STAG1: variants seen among roughly 807,000 people sequenced by gnomAD.
STAG1 encodes the protein STAG1 cohesin complex component.
In STAG1, 26 loss-of-function variants were observed where a neutral mutation model predicts 170.9. The observed-to-expected ratio is 0.15, with a 90% CI of 0.11 to 0.21. The LOEUF (loss-of-function observed/expected upper bound fraction) is 0.21. Ranked by LOEUF, STAG1 falls within the 10% of genes least tolerant of loss-of-function variation. The probability of loss-of-function intolerance (pLI) is 1.00; values close to 1 mark genes in which losing one functional copy is unlikely to be tolerated. For synonymous variants in STAG1, 514 were observed against 497.7 expected, an observed-to-expected ratio of 1.03 and a Z score of -0.44; for missense variants, 964 against 1,509.5, an observed-to-expected ratio of 0.64 and a Z score of 5.99.
chr3:136,461,142 A>C (rs1221416318), intron 13 of STAG1, among the ~76,000 whole-genome samples: 1 of 152,222 alleles, frequency 6.6e-6, no homozygotes, highest in Non-Finnish European at 1.5e-5. Context: ...CCCCTTCATG[A>C]TAAAAACTCT....
At chr3:136,600,870 GT>G (rs1371408801) in intron 4 of STAG1, among the ~76,000 whole-genome samples, 166 of 1,388 alleles carry the variant, frequency 0.12, no homozygotes, top group African/African-American at 0.28. Flanking sequence ...TTGTTTGTTT[GT>G]TTTGTTTTGT....
chr3:136,549,114 T>C (rs911078405), intron 5 of STAG1, among the ~76,000 whole-genome samples: 2 of 152,228 alleles, frequency 1.3e-5, no homozygotes, highest in Non-Finnish European at 2.9e-5. Flanking sequence ...AACGGACTAA[T>C]AACACCTCTT....
intron 9 of STAG1, among the ~76,000 whole-genome samples, chr3:136,499,247 G>A (rs372513859): frequency 1.3e-5 from 2 of 152,174 alleles, no homozygotes; most frequent in South Asian, 2.1e-4. Context: ...GTGCAGTGGC[G>A]CAATCAAGGC....
intron 1 of STAG1, among the ~76,000 whole-genome samples, chr3:136,724,935 T>TA (rs1933575246): frequency 6.6e-6 from 1 of 152,194 alleles, no homozygotes; most frequent in Non-Finnish European, 1.5e-5. Context: ...TAAACCTATG[T>TA]AAAAAATCAT....
At chr3:136,368,740 G>A (rs1396354152) in intron 24 of STAG1, among the ~76,000 whole-genome samples, 2 of 152,112 alleles carry the variant, frequency 1.3e-5, no homozygotes, top group Non-Finnish European at 2.9e-5. Context: ...TCTATATAAC[G>A]ACAGGAAAAG....
At chr3:136,674,952 T>C (rs1307018871) in intron 1 of STAG1, among the ~76,000 whole-genome samples, 1 of 151,998 alleles carries the variant, frequency 6.6e-6, no homozygotes, top group Non-Finnish European at 1.5e-5. Context: ...AGTTGGGGGT[T>C]GGGGGGAGCC....
At chr3:136,618,580 G>GA (rs563791834) in intron 3 of STAG1, among the ~76,000 whole-genome samples, 177 of 152,200 alleles carry the variant, frequency 1.2e-3, no homozygotes, top group Non-Finnish European at 2.1e-3. Context: ...CTCACTAAGA[G>GA]AAAAAAATCC....
intron 24 of STAG1, among the ~76,000 whole-genome samples, chr3:136,368,862 T>C (rs1937183358): frequency 6.6e-6 from 1 of 152,168 alleles, no homozygotes; most frequent in African/African-American, 2.4e-5. Context: ...TTTATGTTTT[T>C]TCTGTTTTGT....
intron 5 of STAG1, among the ~76,000 whole-genome samples, chr3:136,554,689 G>C (rs917792247): frequency 6.6e-6 from 1 of 152,024 alleles, no homozygotes; most frequent in African/African-American, 2.4e-5. Flanking sequence ...GAGTCCAGGA[G>C]TTCAAAAGTA....
chr3:136,362,623 GAAAAAAA>G (rs1301041525), intron 26 of STAG1, among the ~76,000 whole-genome samples: 4 of 126,914 alleles, frequency 3.2e-5, no homozygotes, highest in Non-Finnish European at 3.4e-5. Context: ...AAAAAAAAAA[GAAAAAAA>G]AAGAAAAAAG....
intron 1 of STAG1, among the ~76,000 whole-genome samples, chr3:136,694,049 A>G (rs1294641471): frequency 6.6e-6 from 1 of 152,210 alleles, no homozygotes; most frequent in African/African-American, 2.4e-5. Flanking sequence ...TCCACAGGAA[A>G]GCCAGAATTT....
chr3:136,691,407 C>G (rs1942717724), intron 1 of STAG1, among the ~76,000 whole-genome samples: 1 of 151,684 alleles, frequency 6.6e-6, no homozygotes, highest in African/African-American at 2.4e-5. Flanking sequence ...TGCACTCCAG[C>G]CTGGGTGACA....
intron 22 of STAG1, among the ~76,000 whole-genome samples, chr3:136,394,550 T>C (rs994845458): frequency 6.6e-6 from 1 of 150,638 alleles, no homozygotes; most frequent in East Asian, 2.0e-4. Flanking sequence ...CTGAGGCGGG[T>C]GGACTGCTTG....
intron 4 of STAG1, among the ~76,000 whole-genome samples, chr3:136,571,944 AG>A (rs1937278418): frequency 6.6e-6 from 1 of 152,200 alleles, no homozygotes; most frequent in Admixed American, 6.5e-5. Context: ...ACACTTTGGG[AG>A]GCCGAGATGG....
At chr3:136,633,601 G>A (rs1940417844) in intron 1 of STAG1, among the ~76,000 whole-genome samples, 1 of 151,184 alleles carries the variant, frequency 6.6e-6, no homozygotes, top group Non-Finnish European at 1.5e-5. Context: ...TTGGGAGGCT[G>A]GGACAGGACA....
chr3:136,469,150 G>A (rs931879472), intron 12 of STAG1, among the ~76,000 whole-genome samples: 1 of 152,122 alleles, frequency 6.6e-6, no homozygotes, highest in Admixed American at 6.6e-5. Flanking sequence ...AATCAGGCAG[G>A]AGAAGGAAAT....
chr3:136,604,761 C>T (rs550222068), intron 3 of STAG1, among the ~76,000 whole-genome samples: 1 of 152,242 alleles, frequency 6.6e-6, no homozygotes, highest in East Asian at 1.9e-4. Flanking sequence ...AGTGATTCTC[C>T]TGCCTCAGCC....
chr3:136,402,922 T>C (rs1304406213), intron 21 of STAG1, among the ~76,000 whole-genome samples: 1 of 151,526 alleles, frequency 6.6e-6, no homozygotes, highest in African/African-American at 2.4e-5. Context: ...CTCTTAAGAA[T>C]TGGAGGTATG....
intron 1 of STAG1, among the ~76,000 whole-genome samples, chr3:136,685,096 C>G (rs1942468398): frequency 6.6e-6 from 1 of 152,114 alleles, no homozygotes; most frequent in Admixed American, 6.6e-5. Context: ...AGGTGGATCA[C>G]CTGAGGTGAG....
Sources: gnomAD v4.1 joint callset for allele counts (sites outside exome capture counted in the v4.1 genomes callset) on GRCh38, gnomAD v4.1.1 for gene constraint, MANE v1.5 for transcripts, NCBI Gene and HGNC (gene_info 2026-07-23, HGNC 2026-07-21) for gene names.